Variants in PBX1 observed in about 807,000 individuals in gnomAD.
PBX1 encodes PBX homeobox 1, also known as pre-B-cell leukemia transcription factor 1.
In PBX1, 6 loss-of-function variants were observed where a neutral mutation model predicts 53.4. The observed-to-expected ratio is 0.11, with a 90% confidence interval of 0.06 to 0.22. The LOEUF is 0.22. Ranked by LOEUF, PBX1 falls within the 10% of genes least tolerant of loss-of-function variation. The probability of loss-of-function intolerance (pLI) is 1.00; values close to 1 mark genes in which losing one functional copy is unlikely to be tolerated. For synonymous variants in PBX1, 204 were observed against 212.3 expected, an observed-to-expected ratio of 0.96 and a Z score of 0.34; for missense variants, 251 against 551.4, an observed-to-expected ratio of 0.46 and a Z score of 5.46.
chr1:164,790,028 T>A (rs531812101), intron 2 of PBX1, among the ~76,000 whole-genome samples: 1 of 151,384 alleles, frequency 6.6e-6, no homozygotes, highest in African/African-American at 2.4e-5. Context: ...GCTATTAAAA[T>A]TTATCATATA....
At chr1:164,885,001 T>C (rs911472189) in intron 2 of PBX1, among the ~76,000 whole-genome samples, 1 of 152,114 alleles carries the variant, frequency 6.6e-6, no homozygotes, top group Non-Finnish European at 1.5e-5. Flanking sequence ...GTGAACACAT[T>C]TAGTGCATCT....
At chr1:164,598,228 A>G (rs1243592725) in intron 2 of PBX1, among the ~76,000 whole-genome samples, 1 of 152,222 alleles carries the variant, frequency 6.6e-6, no homozygotes, top group Non-Finnish European at 1.5e-5. Context: ...TTTGGGAGAC[A>G]TATTCAAACC....
rs4035257 is a variant in PBX1, at chr1:164,858,447, G to GCACA, written n.257+26992_257+26995dup. On this transcript the variant is annotated intron_variant and non_coding_transcript_variant, in intron 2 of 2. Transcript: ENST00000558796. Reference sequence around the variant, plus strand: ...TGCTCTGTCACCACCCCCAGAGCCAGCACACACACACACACACACACACAC... The same window carrying GCACA: ...TGCTCTGTCACCACCCCCAGAGCCAGCACACACACACACACACACACACACACAC... 7.2e-3 allele frequency among the ~76,000 whole-genome samples: 1,068 copies of GCACA among 148,618 alleles called. 12 individuals carry two copies. Among genetic ancestry groups the GCACA allele is most frequent in the African/African-American group, 0.024 (969 of 40,472 alleles).
intron 2 of PBX1, among the ~76,000 whole-genome samples, chr1:164,660,579 A>T (rs897794830): frequency 1.3e-5 from 2 of 152,200 alleles, no homozygotes; most frequent in African/African-American, 4.8e-5. Context: ...TTGTAGTAAC[A>T]TCAGCAGAGG....
chr1:164,620,988 A>G (rs1557896415), intron 2 of PBX1, among the ~76,000 whole-genome samples: 1 of 147,722 alleles, frequency 6.8e-6, no homozygotes. Context: ...CGGCATTAAA[A>G]AAAAATTAAT....
chr1:164,603,929 A>ATTTTTTTTTTTTTTTTTT lies in PBX1; in HGVS notation c.265+40634_265+40651dup, dbSNP rs71583414. On this transcript the variant is annotated intron_variant, in intron 2 of 8. Transcript: ENST00000420696. Reference sequence around the variant, plus strand: ...GACACTCTGTACATTATGTCATTTCATTTTTTTTTTTTTTTTTTTTTTTTT... The same window carrying ATTTTTTTTTTTTTTTTTT: ...GACACTCTGTACATTATGTCATTTCATTTTTTTTTTTTTTTTTTTTTTTTTTTTTTTTTTTTTTTTTTT... Among the ~76,000 whole-genome samples the ATTTTTTTTTTTTTTTTTT allele has an allele frequency of 1.1e-3, 81 of 75,752 alleles. 23 individuals carry two copies. Among genetic ancestry groups the ATTTTTTTTTTTTTTTTTT allele is most frequent in the African/African-American group, 1.8e-3 (29 of 16,214 alleles). 49.7% of individuals were successfully genotyped at this position (75,752 alleles called of 152,430 possible).
chr1:164,832,371 A>T (rs1670811642), intron 8 of PBX1, among the ~76,000 whole-genome samples: 1 of 152,204 alleles, frequency 6.6e-6, no homozygotes, highest in African/African-American at 2.4e-5. Context: ...TTTGGAAAAT[A>T]TTTAGACAGC....
chr1:164,755,999 A>G (rs1243713711), intron 2 of PBX1, among the ~76,000 whole-genome samples: 1 of 36,374 alleles, frequency 2.7e-5, no homozygotes, highest in African/African-American at 7.0e-5. Context: ...CCGATTCAGG[A>G]AAAAAAAAAA....
chr1:164,784,197 C>G (rs1370422228), intron 2 of PBX1, among the ~76,000 whole-genome samples: 1 of 152,198 alleles, frequency 6.6e-6, no homozygotes, highest in East Asian at 1.9e-4. Context: ...GTATGTCAGT[C>G]TAAGGCCAAA....
At chr1:164,618,440 G>A (rs1036551226) in intron 2 of PBX1, among the ~76,000 whole-genome samples, 4 of 151,936 alleles carry the variant, frequency 2.6e-5, no homozygotes, top group Admixed American at 1.3e-4. Flanking sequence ...CTCTTGTCTC[G>A]GTTTAATTTT....
chr1:164,817,971 A>T (rs1669960817), intron 6 of PBX1: 1 of 152,200 alleles, frequency 6.6e-6, no homozygotes, highest in South Asian at 2.1e-4. Context: ...GAGAGAAGTA[A>T]AATACGTGAG....
intron 2 of PBX1, among the ~76,000 whole-genome samples, chr1:164,747,595 A>G (rs923706700): frequency 2.0e-5 from 3 of 152,272 alleles, no homozygotes; most frequent in African/African-American, 7.2e-5. Context: ...GCACACTGGA[A>G]ATGAAAGTAT....
intron 2 of PBX1, among the ~76,000 whole-genome samples, chr1:164,710,435 G>A (rs1438499048): frequency 1.3e-5 from 2 of 151,872 alleles, no homozygotes; most frequent in Non-Finnish European, 2.9e-5. Flanking sequence ...TTTTGAGATG[G>A]AGTTTTGTTC....
At chr1:164,811,377 C>T (rs1218877362) in intron 5 of PBX1, among the ~76,000 whole-genome samples, 1 of 152,156 alleles carries the variant, frequency 6.6e-6, no homozygotes, top group Non-Finnish European at 1.5e-5. Context: ...AGGGGATAAT[C>T]ATTTGTATGC....
At chr1:164,680,003 C>T (rs2800804) in intron 2 of PBX1, 132,788 of 152,112 alleles carry the variant, frequency 0.87, 58,119 homozygotes, top group East Asian at 0.92. Context: ...ATATCAGTCA[C>T]GTGAATTAAT....
At chr1:164,561,164 T>C (rs2101682383) in intron 1 of PBX1, among the ~76,000 whole-genome samples, 1 of 152,338 alleles carries the variant, frequency 6.6e-6, no homozygotes, top group Middle Eastern at 3.4e-3. Context: ...TTTTTCTCTT[T>C]GAAAACCCTG....
chr1:164,826,039 G>T (rs1002088151), intron 8 of PBX1, among the ~76,000 whole-genome samples: 3 of 152,094 alleles, frequency 2.0e-5, no homozygotes, highest in Non-Finnish European at 4.4e-5. Context: ...GGTCCTTCTT[G>T]TGACTTTTCT....
chr1:164,726,442 C>T (rs1664704396), intron 2 of PBX1, among the ~76,000 whole-genome samples: 1 of 152,176 alleles, frequency 6.6e-6, no homozygotes, highest in Non-Finnish European at 1.5e-5. Context: ...GCCACGTGAT[C>T]TGTTTACTCA....
chr1:164,653,659 A>G (rs1342320656), intron 2 of PBX1, among the ~76,000 whole-genome samples: 1 of 152,192 alleles, frequency 6.6e-6, no homozygotes, highest in African/African-American at 2.4e-5. Context: ...AATCCCAGCT[A>G]CTTGGGAGAC....
Sources: allele counts gnomAD v4.1 joint callset (sites outside exome capture counted in the v4.1 genomes callset), GRCh38; gene constraint gnomAD v4.1.1; transcripts MANE v1.5; gene names NCBI Gene and HGNC (gene_info 2026-07-23, HGNC 2026-07-21).